The following FAT4 variants were observed in gnomAD, a reference collection of about 807,000 sequenced individuals.
FAT4 encodes FAT atypical cadherin 4, also known as protocadherin Fat 4.
A neutral mutation model predicts 303.9 loss-of-function variants in FAT4; 84 were observed. The ratio of observed to expected loss-of-function variants is 0.28; its 90% CI spans 0.23 to 0.33. The LOEUF is 0.33. Ranked by LOEUF, FAT4 falls within the 10% of genes least tolerant of loss-of-function variation. The pLI, the probability that FAT4 is intolerant of heterozygous loss-of-function variation, is 1.00. For missense variants in FAT4, 6,005 were observed against 6,146.8 expected (o/e 0.98, Z 0.77); for synonymous variants, 2,307 against 2,298.8 (o/e 1.00, Z -0.10).
At chr4:125,352,446 T>C (rs1216341562) in intron 2 of FAT4, among the ~76,000 whole-genome samples, 1 of 151,778 alleles carries the variant, frequency 6.6e-6, no homozygotes, top group Non-Finnish European at 1.5e-5. Flanking sequence ...AAAAAATGTT[T>C]ACACAGAATA....
At chr4:125,470,493 A>G (rs1401911796) in intron 12 of FAT4, among the ~76,000 whole-genome samples, 1 of 152,232 alleles carries the variant, frequency 6.6e-6, no homozygotes, top group Non-Finnish European at 1.5e-5. Context: ...AACCACCTTC[A>G]TCAATGACCT....
At chr4:125,485,636 CT>C (rs1339882122) in intron 16 of FAT4, among the ~76,000 whole-genome samples, 1 of 152,072 alleles carries the variant, frequency 6.6e-6, no homozygotes, top group Admixed American at 6.5e-5. Context: ...CTGGATGAGG[CT>C]GGTTTACAGC....
intron 8 of FAT4, 65 bp from the exon 9 acceptor site, chr4:125,446,228 A>G: frequency 7.3e-7 from 1 of 1,366,138 alleles, no homozygotes; most frequent in Non-Finnish European, 1.0e-6. Flanking sequence ...TTTTTTAATT[A>G]TAGTAAATAG....
At chr4:125,369,831 G>C (rs1733037830) in intron 2 of FAT4, among the ~76,000 whole-genome samples, 2 of 152,112 alleles carry the variant, frequency 1.3e-5, no homozygotes, top group South Asian at 4.1e-4. Flanking sequence ...TTCCCATGAA[G>C]TTGACTACTT....
chr4:125,452,397 G>A lies in FAT4; in HGVS notation c.11387G>A (p.Ser3796Asn), dbSNP rs766426929. ...ATCAAAGAGATCCTTCTCCGGCAGA[G>A]TGGAGTAAAGGTGGAATCTGTGGAT... ...ESIKEILLRQ[S>N]GVKVESVDHD... The change falls in exon 10 of 18, where the codon AGT becomes AAT. Residue 3796 changes from serine (S) to asparagine (N), a missense_variant. By Grantham distance (46) the Ser-to-Asn change is conservative (BLOSUM62 1). Transcript: ENST00000394329. 7.4e-6 allele frequency: 12 copies of A among 1,614,082 alleles called. No homozygotes were observed. The highest frequency in any genetic ancestry group is 1.0e-5 in the Non-Finnish European group (12 of 1,180,050).
intron 2 of FAT4, among the ~76,000 whole-genome samples, chr4:125,352,802 G>A (rs569152946): frequency 1.3e-5 from 2 of 151,744 alleles, no homozygotes; most frequent in South Asian, 4.1e-4. Context: ...TGCTTCTTCA[G>A]CATATTGCAG....
At chr4:125,356,267 G>A (rs1320513389) in intron 2 of FAT4, among the ~76,000 whole-genome samples, 2 of 151,788 alleles carry the variant, frequency 1.3e-5, no homozygotes, top group African/African-American at 4.8e-5. Context: ...TCTTAAAGTT[G>A]GATGTATGAT....
Position 125,317,292 on chromosome 4 carries a change from C to A in FAT4, c.881C>A (p.Thr294Asn), listed in dbSNP as rs779765968. Residue 294 changes from threonine (T) to asparagine (N), a missense_variant, in exon 2 of 18, where the codon ACC becomes AAC. Coordinates refer to ENST00000394329, the MANE Select transcript of FAT4 (RefSeq NM_001291303.3). The surrounding 1 kb of genome is among the most constrained non-coding windows in gnomAD (Gnocchi z 7.0). ...CGCTATCGCCTGCAGGACGAGGGGA[C>A]CCCCTTCCAAATGGACCCTGAGACG... ...DIRYRLQDEG[T>N]PFQMDPETGL... The A allele has an allele frequency of 1.3e-6, 2 of 1,595,018 alleles. No individual in the cohort carries two copies. The highest frequency in any genetic ancestry group is 1.3e-5 in the African/African-American group (1 of 74,584).
At chr4:125,396,761 A>G (rs1560797254) in intron 2 of FAT4, among the ~76,000 whole-genome samples, 1 of 152,058 alleles carries the variant, frequency 6.6e-6, no homozygotes, top group African/African-American at 2.4e-5. Context: ...TATGAATCTA[A>G]AAGTTCAGAG....
intron 2 of FAT4, among the ~76,000 whole-genome samples, chr4:125,334,232 A>T (rs1731488998): frequency 6.6e-6 from 1 of 152,060 alleles, no homozygotes; most frequent in Non-Finnish European, 1.5e-5. Flanking sequence ...TCCCAAAAAC[A>T]TGGAATTTAA....
In FAT4 at chr4:125,490,439, G is replaced by A. The variant is rs62312781; in HGVS notation, c.13623G>A (p.Glu4541=). 282,161 of 1,613,930 alleles carry A rather than the reference G, an allele frequency of 0.17. 25,986 individuals carry two copies. Among genetic ancestry groups the A allele is most frequent in the Middle Eastern group, 0.23 (1,382 of 6,062 alleles). The change falls in exon 18 of 18, where the codon GAG becomes GAA. Residue 4541 remains glutamate (E), a synonymous_variant. Coordinates refer to ENST00000394329, the MANE Select transcript of FAT4 (RefSeq NM_001291303.3). ...CRGKKAKNPK[E]EKKPKEKKKK... is the part of the protein sequence containing the mutation. ...GGAAGAAGGCCAAAAATCCCAAAGAGGAGAAGAAACCGAAGGAGAAGAAGA... is the reference window on the plus strand; with the variant it reads ...GGAAGAAGGCCAAAAATCCCAAAGAAGAGAAGAAACCGAAGGAGAAGAAGA...
At chr4:125,377,425 T>A (rs1172073330) in intron 2 of FAT4, among the ~76,000 whole-genome samples, 1 of 152,136 alleles carries the variant, frequency 6.6e-6, no homozygotes, top group East Asian at 1.9e-4. Flanking sequence ...CCTCCCTATA[T>A]TTATGATTTG....
chr4:125,346,605 T>C (rs1732013623), intron 2 of FAT4, among the ~76,000 whole-genome samples: 1 of 152,000 alleles, frequency 6.6e-6, no homozygotes, highest in African/African-American at 2.4e-5. Flanking sequence ...TTTGGAGGAA[T>C]TACTTCATTT....
intron 12 of FAT4, 152 bp from the exon 13 acceptor site, chr4:125,476,019 A>G (rs554181527): frequency 1.6e-5 from 6 of 383,460 alleles, no homozygotes; most frequent in Non-Finnish European, 2.9e-5. Flanking sequence ...ATGATTCAAT[A>G]TTATAATTAT....
At chr4:125,390,630 T>C (rs779758784) in intron 2 of FAT4, among the ~76,000 whole-genome samples, 1 of 152,190 alleles carries the variant, frequency 6.6e-6, no homozygotes, top group Non-Finnish European at 1.5e-5. Flanking sequence ...AACTGAGGCA[T>C]CATTTAGCAA....
chr4:125,482,655 T>G, intron 16 of FAT4, among the ~76,000 whole-genome samples: 1 of 152,150 alleles, frequency 6.6e-6, no homozygotes, highest in East Asian at 1.9e-4. Context: ...TTTCATCTAT[T>G]AGTCAATATT....
chr4:125,449,166 G>A lies in FAT4; in HGVS notation c.8156G>A (p.Ser2719Asn), dbSNP rs1415356153. ...IVNGNMENSF[S>N]INHATGEIRS... Reference sequence around the variant, plus strand: ...AATGGCAACATGGAAAATAGTTTCAGTATCAATCATGCTACTGGTGAAATT... The same window carrying A: ...AATGGCAACATGGAAAATAGTTTCAATATCAATCATGCTACTGGTGAAATT... Residue 2719 changes from serine (S) to asparagine (N), a missense_variant, in exon 10 of 18, where the codon AGT (serine) becomes AAT (asparagine). Physicochemically the swap from Ser to Asn is conservative, Grantham distance 46 (BLOSUM62 1). Coordinates refer to ENST00000394329, the MANE Select transcript of FAT4 (RefSeq NM_001291303.3). 2 of 1,613,970 alleles carry A rather than the reference G, an allele frequency of 1.2e-6. No homozygotes were observed. The highest frequency in any genetic ancestry group is 1.7e-5 in the Admixed American group (1 of 59,996).
At chr4:125,484,453 T>G (rs1727339369) in intron 16 of FAT4, among the ~76,000 whole-genome samples, 1 of 152,116 alleles carries the variant, frequency 6.6e-6, no homozygotes, top group Non-Finnish European at 1.5e-5. Context: ...AATCAGTTCT[T>G]TTGTGTTTGT....
intron 2 of FAT4, among the ~76,000 whole-genome samples, chr4:125,382,064 C>T (rs942579897): frequency 5.3e-5 from 8 of 152,150 alleles, no homozygotes; most frequent in African/African-American, 1.2e-4. Flanking sequence ...CTACCACATC[C>T]GTGGTTACTT....
Sources: gnomAD v4.1 joint callset for allele counts (sites outside exome capture counted in the v4.1 genomes callset) on GRCh38, gnomAD v4.1.1 for gene constraint, Gnocchi (gnomAD v3.1) non-coding constraint, MANE v1.5 for transcripts, NCBI Gene and HGNC (gene_info 2026-07-23, HGNC 2026-07-21) for gene names.